Variants in EPHB3 observed in about 807,000 individuals in gnomAD.
EPHB3 encodes ephrin type-B receptor 3.
EPHB3 carries 33 observed loss-of-function variants against 100.2 expected under a neutral mutation model. The ratio of observed to expected loss-of-function variants is 0.33; its 90% CI spans 0.25 to 0.44. The LOEUF is 0.44. Among genes scored for constraint, EPHB3 ranks in the 20% least tolerant of loss-of-function variants. EPHB3 has a pLI of 1.00. For missense variants in EPHB3, 1,045 were observed against 1,378.3 expected (o/e 0.76, Z 3.83); for synonymous variants, 526 against 554.7 (o/e 0.95, Z 0.73).
intron 1 of EPHB3, among the ~76,000 whole-genome samples, chr3:184,564,510 G>A (rs539012106): frequency 9.8e-5 from 15 of 152,338 alleles, no homozygotes; most frequent in African/African-American, 3.6e-4. Context: ...TGTGTGCAAA[G>A]TGCTTAGCAT....
In EPHB3 at chr3:184,572,550, C is replaced by T; in HGVS notation, c.230C>T (p.Thr77Ile). The T allele has an allele frequency of 1.9e-6, 3 of 1,557,808 alleles. No homozygotes were observed. The South Asian group carries it at 3.8e-5, about 20-fold the overall frequency. Residue 77 changes from threonine (T) to isoleucine (I), a missense_variant, in exon 3 of 16, where the codon ACA (threonine) becomes ATA (isoleucine). By Grantham distance (89) the Thr-to-Ile change is moderately conservative. Around this residue, in one of 2 missense-constraint regions of EPHB3, gnomAD observed 985 missense variants for 1,331.1 expected, o/e 0.74. Transcript: ENST00000330394. The surrounding 1 kb of genome is among the most constrained non-coding windows in gnomAD (Gnocchi z 6.6). ...GYDEAMNPIR[T>I]YQVCNVRESS... ...GATGAGGCCATGAATCCCATCCGCACATACCAGGTGTGTAATGTGCGCGAG... is the reference window on the plus strand; with the variant it reads ...GATGAGGCCATGAATCCCATCCGCATATACCAGGTGTGTAATGTGCGCGAG...
At position 184,571,991 on chromosome 3, in the gene EPHB3, C is replaced by T. The variant is rs1013142471; in HGVS notation, c.184-513C>T. Among the ~76,000 whole-genome samples the T allele has an allele frequency of 2.6e-4, 39 of 152,210 alleles. No homozygotes were observed. Among genetic ancestry groups the T allele is most frequent in the African/African-American group, 8.9e-4 (37 of 41,446 alleles). The stretch of plus-strand genomic sequence containing the variant: ...GCTTCCTCATCTCTAAACGTCGGGA[C>T]AACAGATGCGGCTCCTCATGGAGCT... On this transcript the variant is annotated intron_variant, in intron 2 of 15. Transcript: ENST00000330394. The surrounding 1 kb of genome is among the most constrained non-coding windows in gnomAD (Gnocchi z 5.0).
At chr3:184,568,592 A>ACCCCCCCCCCCCCTCCCCCCCC (rs113185340) in intron 1 of EPHB3, among the ~76,000 whole-genome samples, 1 of 131,100 alleles carries the variant, frequency 7.6e-6, no homozygotes, top group Non-Finnish European at 1.6e-5. Flanking sequence ...GGGTTCTATG[A>ACCCCCCCCCCCCCTCCCCCCCC]CCCCCCCCCC....
In EPHB3 at chr3:184,569,566, T is replaced by G. The variant is rs912079534; in HGVS notation, c.119-1752T>G. Among the ~76,000 whole-genome samples, 1 of 152,184 alleles carries G rather than the reference T, an allele frequency of 6.6e-6. No individual in the cohort carries two copies. Among genetic ancestry groups the G allele is most frequent in the South Asian group, 2.1e-4 (1 of 4,834 alleles). On this transcript the variant is annotated intron_variant, in intron 1 of 15. Transcript: ENST00000330394. The surrounding 1 kb of genome is among the most constrained non-coding windows in gnomAD (Gnocchi z 5.4). Reference sequence around the variant, plus strand: ...GAATGTCTGTGTCTGTCTGTCTGTCTGTCTGTCTGCCAGAGGCCAGGATCG... The same window carrying G: ...GAATGTCTGTGTCTGTCTGTCTGTCGGTCTGTCTGCCAGAGGCCAGGATCG...
rs1007154737 is a variant in EPHB3 at position 184,579,597 on chromosome 3, C to T, written c.1922C>T (p.Ala641Val). 1 of 1,613,918 alleles carries T rather than the reference C, an allele frequency of 6.2e-7. No individual in the cohort carries two copies. The highest frequency in any genetic ancestry group is 8.5e-7 in the Non-Finnish European group (1 of 1,179,912). The change falls in exon 10 of 16, where the codon GCT becomes GTT. Residue 641 changes from alanine to valine, a missense_variant and splice_region_variant. Physicochemically the swap from Ala to Val is moderately conservative, Grantham distance 64. Transcript: ENST00000330394. The surrounding 1 kb of genome is among the most constrained non-coding windows in gnomAD (Gnocchi z 5.2). The part of the protein sequence containing the change: ...SCVKIEEVIG[A>V]GEFGEVCRGR... ...GTCAAGATCGAGGAGGTGATCGGAGCTGGTGAGTCTCCCGGGGCACAGTAG... is the reference window on the plus strand; with the variant it reads ...GTCAAGATCGAGGAGGTGATCGGAGTTGGTGAGTCTCCCGGGGCACAGTAG...
Position 184,562,383 on chromosome 3 carries a change from A to G in EPHB3, c.118+30A>G, listed in dbSNP as rs1693974684. On this transcript the variant is annotated intron_variant, in intron 1 of 15. Coordinates refer to ENST00000330394, the MANE Select transcript of EPHB3 (RefSeq NM_004443.4). The surrounding 1 kb of genome is among the most constrained non-coding windows in gnomAD (Gnocchi z 4.8). ...GCGGCGTCGGGGGGCGCGCCCGGGA[A>G]CAAGGTGCCTGGGGTCGCGGGGCTG... 2 of 1,185,516 alleles carry G rather than the reference A, an allele frequency of 1.7e-6. No individual in the cohort carries two copies. The highest frequency in any genetic ancestry group is 2.1e-6 in the Non-Finnish European group (2 of 959,558). The allele number at this position is 1,185,516 out of a possible 1,614,324, so 73.4% of individuals were successfully genotyped here.
At chr3:184,564,727 A>G (rs1341771117) in intron 1 of EPHB3, among the ~76,000 whole-genome samples, 2 of 151,924 alleles carry the variant, frequency 1.3e-5, no homozygotes, top group Admixed American at 1.3e-4. Flanking sequence ...GAGGGAAGGA[A>G]TGGGGAGAGA....
Position 184,577,268 on chromosome 3 carries a change from G to T in EPHB3, c.1355-75G>T. The stretch of plus-strand genomic sequence containing the variant: ...AGGACCTGCTAAGGGACCACTGGGG[G>T]TCCCATGGGAAGTGGGTCTTTGGGA... On this transcript the variant is annotated intron_variant, in intron 5 of 15. Transcript: ENST00000330394. The surrounding 1 kb of genome is among the most constrained non-coding windows in gnomAD (Gnocchi z 4.9). 1.9e-6 allele frequency: 3 copies of T among 1,586,956 alleles called. No individual in the cohort carries two copies. Among genetic ancestry groups the T allele is most frequent in the Admixed American group, 1.7e-5 (1 of 57,652 alleles).
intron 1 of EPHB3, among the ~76,000 whole-genome samples, chr3:184,566,907 G>A (rs528587698): frequency 9.2e-5 from 14 of 152,240 alleles, no homozygotes; most frequent in African/African-American, 3.4e-4. Context: ...TGACACTTTT[G>A]CTCCCAGGGT....
In EPHB3 at chr3:184,577,847, G is replaced by C; in HGVS notation, c.1639+30G>C. On this transcript the variant is annotated intron_variant, in intron 7 of 15. Coordinates refer to ENST00000330394, the MANE Select transcript of EPHB3 (RefSeq NM_004443.4). The surrounding 1 kb of genome is among the most constrained non-coding windows in gnomAD (Gnocchi z 4.9). ...GTAGCCCCCTGCGCCTGTCCCCATC[G>C]CGGCCCTCACTCTCTGTCCCTCCAC... is the stretch of plus-strand genomic sequence containing the variant. The C allele has an allele frequency of 6.2e-7, 1 of 1,605,022 alleles. No homozygotes were observed. Among genetic ancestry groups the C allele is most frequent in the Non-Finnish European group, 8.5e-7 (1 of 1,173,846 alleles).
chr3:184,573,704 T>C lies in EPHB3; in HGVS notation c.856+528T>C, dbSNP rs113121219. On this transcript the variant is annotated intron_variant, in intron 3 of 15. Coordinates refer to ENST00000330394, the MANE Select transcript of EPHB3 (RefSeq NM_004443.4). This position sits in a 1 kb window ranked among gnomAD's most constrained non-coding sequence, Gnocchi z 4.5. ...TCTGTCACTTACCACTTACGTGACC[T>C]TGGGCAAGTTACTTTTTTTTTTTTT... Among the ~76,000 whole-genome samples, 7,635 of 149,522 alleles carry C rather than the reference T, an allele frequency of 0.051. 235 individuals carry two copies. Among genetic ancestry groups the C allele is most frequent in the African/African-American group, 0.071 (2,895 of 40,748 alleles).
Position 184,562,306 on chromosome 3 carries a change from TGCTGCTGCC to T in EPHB3, c.80_88del (p.Pro27_Leu29del), listed in dbSNP as rs956253824. 4.8e-6 allele frequency: 6 copies of T among 1,251,516 alleles called. No homozygotes were observed. The highest frequency in any genetic ancestry group is 6.0e-5 in the South Asian group (2 of 33,500). 77.5% of individuals were successfully genotyped at this position (1,251,516 alleles called of 1,614,324 possible). On this transcript the variant is annotated inframe_deletion, in exon 1 of 16. Transcript: ENST00000330394. The surrounding 1 kb of genome is among the most constrained non-coding windows in gnomAD (Gnocchi z 4.8). ...CTTCTGCCGCTGCTCCCTCCGCTGCTGCTGCTGCCGCTGCTGCTGCTGCCCGCCGGCTGC... is the reference window on the plus strand; with the variant it reads ...CTTCTGCCGCTGCTCCCTCCGCTGCTGCTGCTGCTGCTGCCCGCCGGCTGC...
At chr3:184,567,037 C>T (rs985582247) in intron 1 of EPHB3, among the ~76,000 whole-genome samples, 2 of 152,112 alleles carry the variant, frequency 1.3e-5, no homozygotes, top group East Asian at 1.9e-4. Flanking sequence ...GACCTGCAAG[C>T]GGAAGAGCCT....
rs1386759161 is a variant in EPHB3, at chr3:184,576,960, C to G, written c.1131C>G (p.Cys377Trp). 1 of 1,612,542 alleles carries G rather than the reference C, an allele frequency of 6.2e-7. No individual in the cohort carries two copies. The highest frequency in any genetic ancestry group is 8.5e-7 in the Non-Finnish European group (1 of 1,178,934). ...GRDDLLYNVI[C>W]KKCHGAGGAS... ...ATGACCTCCTGTACAATGTCATCTG[C>G]AAGAAGTGCCATGGGGCTGGAGGGG... Residue 377 changes from cysteine (C) to tryptophan (W), a missense_variant, in exon 5 of 16, where the codon TGC (cysteine) becomes TGG (tryptophan). This residue lies in a region of EPHB3 where 985 missense variants were observed against 1,331.1 expected (regional missense o/e 0.74). Coordinates refer to ENST00000330394, the MANE Select transcript of EPHB3 (RefSeq NM_004443.4).
At position 184,577,497 on chromosome 3, in the gene EPHB3, T is replaced by C. The variant is rs532081171; in HGVS notation, c.1479+30T>C. On this transcript the variant is annotated intron_variant, in intron 6 of 15. Coordinates refer to ENST00000330394, the MANE Select transcript of EPHB3 (RefSeq NM_004443.4). This position sits in a 1 kb window ranked among gnomAD's most constrained non-coding sequence, Gnocchi z 4.9. ...GAACCTCAAGGGGCAGGAGGAGGCC[T>C]TGGGCTGAGCTGGGCTGAGAAAATT... 1.9e-6 allele frequency: 3 copies of C among 1,612,900 alleles called. No homozygotes were observed. The highest frequency in any genetic ancestry group is 2.2e-5 in the East Asian group (1 of 44,848).
At chr3:184,575,093 G>A (rs1714639134) in intron 3 of EPHB3, 12 of 965,318 alleles carry the variant, frequency 1.2e-5, no homozygotes, top group Non-Finnish European at 1.5e-5. Context: ...AAGAATACAC[G>A]ATAAGGCTAC....
rs7640108 is a variant in EPHB3, at chr3:184,572,194, T to C, written c.184-310T>C. Among the ~76,000 whole-genome samples the C allele has an allele frequency of 0.41, 62,065 of 152,108 alleles. 12,935 individuals are homozygous for C. The highest frequency in any genetic ancestry group is 0.47 in the East Asian group (2,452 of 5,174). Reference sequence around the variant, plus strand: ...GTATAAAGATAACAAATATAGCTGATGTTCCTGCAGTACTTACCAAGTTCC... The same window carrying C: ...GTATAAAGATAACAAATATAGCTGACGTTCCTGCAGTACTTACCAAGTTCC... On this transcript the variant is annotated intron_variant, in intron 2 of 15. Transcript: ENST00000330394. The surrounding 1 kb of genome is among the most constrained non-coding windows in gnomAD (Gnocchi z 6.6).
rs1475474154 is a variant in EPHB3 at position 184,579,494 on chromosome 3, G to T, written c.1819G>T (p.Val607Phe). ...CCCTCCAGTTGCTCCTGGAATGAAG[G>T]TTTATATTGACCCTTTTACCTACGA... is the stretch of plus-strand genomic sequence containing the variant. The part of the protein sequence containing the change: ...LQQYIAPGMK[V>F]YIDPFTYEDP... Residue 607 changes from valine (V) to phenylalanine (F), a missense_variant, in exon 10 of 16, where the codon GTT becomes TTT. By Grantham distance (50) the Val-to-Phe change is conservative (BLOSUM62 -1). Coordinates refer to ENST00000330394, the MANE Select transcript of EPHB3 (RefSeq NM_004443.4). This position sits in a 1 kb window ranked among gnomAD's most constrained non-coding sequence, Gnocchi z 5.2. 2 of 1,613,990 alleles carry T rather than the reference G, an allele frequency of 1.2e-6. No individual in the cohort carries two copies. Among genetic ancestry groups the T allele is most frequent in the Admixed American group, 3.3e-5 (2 of 60,012 alleles).
rs1714567478 is a variant in EPHB3 at position 184,572,594 on chromosome 3, C to G, written c.274C>G (p.Leu92Val). The change falls in exon 3 of 16, where the codon CTT (leucine) becomes GTT (valine). Residue 92 changes from leucine (L) to valine (V), a missense_variant. Leu to Val is a conservative substitution (Grantham distance 32, BLOSUM62 1). Coordinates refer to ENST00000330394, the MANE Select transcript of EPHB3 (RefSeq NM_004443.4). This position sits in a 1 kb window ranked among gnomAD's most constrained non-coding sequence, Gnocchi z 6.6. ...GCGCGAGTCAAGCCAGAACAACTGG[C>G]TTCGCACGGGGTTCATCTGGCGGCG... is the stretch of plus-strand genomic sequence containing the variant. ...NVRESSQNNW[L>V]RTGFIWRRDV... is the part of the protein sequence containing the mutation. The G allele has an allele frequency of 6.5e-7, 1 of 1,547,048 alleles. No individual in the cohort carries two copies. The highest frequency in any genetic ancestry group is 1.4e-5 in the African/African-American group (1 of 72,994).
Sources: allele counts gnomAD v4.1 joint callset (sites outside exome capture counted in the v4.1 genomes callset), GRCh38; gene constraint gnomAD v4.1.1; regional missense constraint gnomAD v4.1.1; non-coding constraint Gnocchi (gnomAD v3.1); transcripts MANE v1.5; gene names NCBI Gene and HGNC (gene_info 2026-07-23, HGNC 2026-07-21).